Variants in ELOVL6 observed in about 807,000 individuals in gnomAD.
ELOVL6 encodes ELOVL fatty acid elongase 6, also known as very long chain fatty acid elongase 6.
Under a neutral mutation model 31.7 loss-of-function variants are expected in ELOVL6, and 8 were observed. That is an observed-to-expected ratio of 0.25 (90% CI 0.15 to 0.45). The LOEUF is 0.45. Ranked by LOEUF, ELOVL6 falls within the 20% of genes least tolerant of loss-of-function variation. The pLI, the probability that ELOVL6 is intolerant of heterozygous loss-of-function variation, is 1.00. For synonymous variants in ELOVL6, 101 were observed against 117.7 expected (o/e 0.86, Z 0.92); for missense variants, 126 against 326.4 (o/e 0.39, Z 4.73).
At chr4:110,055,400 T>G (rs1754953920) in intron 3 of ELOVL6, among the ~76,000 whole-genome samples, 1 of 152,178 alleles carries the variant, frequency 6.6e-6, no homozygotes, top group African/African-American at 2.4e-5. Context: ...CAATGGGACT[T>G]TAGACTCTCG....
intron 1 of ELOVL6, among the ~76,000 whole-genome samples, chr4:110,180,973 C>A (rs1204301042): frequency 6.6e-5 from 10 of 152,054 alleles, no homozygotes; most frequent in Non-Finnish European, 5.9e-5. Context: ...TCAGTCTCTA[C>A]AAATAATTTA....
chr4:110,169,244 T>TTG (rs1553962098), intron 1 of ELOVL6, among the ~76,000 whole-genome samples: 3 of 135,402 alleles, frequency 2.2e-5, no homozygotes, highest in Admixed American at 7.1e-5. Context: ...TTTTGTTTTG[T>TTG]TTTTTTTTTT....
At chr4:110,081,166 C>A (rs1755832639) in intron 2 of ELOVL6, among the ~76,000 whole-genome samples, 1 of 152,044 alleles carries the variant, frequency 6.6e-6, no homozygotes, top group African/African-American at 2.4e-5. Flanking sequence ...GGCCATACTG[C>A]CCAAGGTAAT....
intron 1 of ELOVL6, among the ~76,000 whole-genome samples, chr4:110,111,070 C>T (rs1005345483): frequency 1.3e-5 from 2 of 152,152 alleles, no homozygotes; most frequent in Non-Finnish European, 2.9e-5. Context: ...TACATTTAGT[C>T]CATGAGATTC....
At chr4:110,176,894 C>T (rs145847196) in intron 1 of ELOVL6, among the ~76,000 whole-genome samples, 441 of 152,324 alleles carry the variant, frequency 2.9e-3, no homozygotes, top group African/African-American at 9.9e-3. Flanking sequence ...TGCCACCATG[C>T]CCAGCTAATT....
chr4:110,108,092 TGAA>T (rs1299487151), intron 1 of ELOVL6, among the ~76,000 whole-genome samples: 15 of 152,154 alleles, frequency 9.9e-5, no homozygotes, highest in African/African-American at 3.1e-4. Flanking sequence ...TGTGAAAAGA[TGAA>T]GAAGAATTTC....
At chr4:110,130,618 T>C (rs1176792257) in intron 1 of ELOVL6, among the ~76,000 whole-genome samples, 1 of 152,204 alleles carries the variant, frequency 6.6e-6, no homozygotes, top group East Asian at 1.9e-4. Flanking sequence ...GTGAACAATT[T>C]TAGGCAAATT....
rs1754703606 is a variant in ELOVL6 at position 110,046,612 on chromosome 4, G to C, written c.*4726C>G. The C allele has an allele frequency of 6.6e-6, 1 of 152,238 alleles. No homozygotes were observed. Among genetic ancestry groups the C allele is most frequent in the Non-Finnish European group, 1.5e-5 (1 of 68,058 alleles). The allele number at this position is 152,238 out of a possible 1,614,324, so 9.4% of individuals were successfully genotyped here. On this transcript the variant is annotated 3_prime_UTR_variant, in exon 4 of 4. Coordinates refer to ENST00000302274, the MANE Select transcript of ELOVL6 (RefSeq NM_024090.3). ...GAAAGTAACTTGATTCAACAGGTTT[G>C]TGTATGTTCTTCAAAGCTCTGTGCA...
rs1756519913 is a variant in ELOVL6, at chr4:110,094,445, T to TATATATATAAA, written c.221+11051_221+11052insTTTATATATAT. 8.0e-3 allele frequency among the ~76,000 whole-genome samples: 379 copies of TATATATATAAA among 47,326 alleles called. 10 individuals are homozygous for TATATATATAAA. Among genetic ancestry groups the TATATATATAAA allele is most frequent in the South Asian group, 0.016 (18 of 1,096 alleles). The allele number at this position is 47,326 out of a possible 152,430, so 31.0% of individuals were successfully genotyped here. A position where few individuals can be genotyped will look rare whatever the true frequency, so the allele number is the denominator to read the frequency against. ...TATATATATATATATATATATATAA[T>TATATATATAAA]ATATATAACATAATATATATTACAT... is the stretch of plus-strand genomic sequence containing the variant. On this transcript the variant is annotated intron_variant, in intron 2 of 3. Coordinates refer to ENST00000302274, the MANE Select transcript of ELOVL6 (RefSeq NM_024090.3).
intron 2 of ELOVL6, among the ~76,000 whole-genome samples, chr4:110,078,970 A>T (rs1356120162): frequency 6.6e-6 from 1 of 152,220 alleles, no homozygotes; most frequent in Non-Finnish European, 1.5e-5. Flanking sequence ...CTTTAAGCCA[A>T]CAAAGATCAA....
chr4:110,071,712 G>C (rs1755489342), intron 2 of ELOVL6, among the ~76,000 whole-genome samples: 1 of 152,120 alleles, frequency 6.6e-6, no homozygotes, highest in Non-Finnish European at 1.5e-5. Flanking sequence ...AGGATGCCAG[G>C]CGTCTAAGCA....
chr4:110,100,495 T>G (rs1166258385), intron 2 of ELOVL6, among the ~76,000 whole-genome samples: 1 of 152,164 alleles, frequency 6.6e-6, no homozygotes, highest in Non-Finnish European at 1.5e-5. Context: ...TGTTTGTTTT[T>G]TTTTAAGTAT....
chr4:110,096,702 A>G (rs1186405917), intron 2 of ELOVL6, among the ~76,000 whole-genome samples: 4 of 152,172 alleles, frequency 2.6e-5, no homozygotes, highest in Non-Finnish European at 5.9e-5. Context: ...AGAAGAGTGT[A>G]TAAAGGGTAA....
intron 1 of ELOVL6, among the ~76,000 whole-genome samples, chr4:110,194,753 T>G (rs890274537): frequency 6.6e-6 from 1 of 152,210 alleles, no homozygotes; most frequent in African/African-American, 2.4e-5. Flanking sequence ...TTTAATAAAG[T>G]ATTCTTATTT....
chr4:110,175,313 G>C (rs752208832), intron 1 of ELOVL6, among the ~76,000 whole-genome samples: 2 of 151,918 alleles, frequency 1.3e-5, no homozygotes, highest in Non-Finnish European at 2.9e-5. Flanking sequence ...ACCCCAGAGG[G>C]AGAGGTTGCA....
chr4:110,070,933 G>A (rs1490946011), intron 2 of ELOVL6, among the ~76,000 whole-genome samples: 1 of 152,038 alleles, frequency 6.6e-6, no homozygotes, highest in Non-Finnish European at 1.5e-5. Context: ...ATGTAAGAAG[G>A]GACGAATAAA....
At chr4:110,111,385 A>ATTTTTTTTTTTTTTTTTTTT (rs1757031501) in intron 1 of ELOVL6, among the ~76,000 whole-genome samples, 1 of 150,480 alleles carries the variant, frequency 6.6e-6, no homozygotes, top group African/African-American at 2.5e-5. Context: ...GCTGATGAAA[A>ATTTTTTTTTTTTTTTTTTTT]TGTTGACATC....
At chr4:110,060,620 T>C (rs1393168007) in intron 2 of ELOVL6, among the ~76,000 whole-genome samples, 1 of 152,162 alleles carries the variant, frequency 6.6e-6, no homozygotes, top group African/African-American at 2.4e-5. Context: ...CAACCTGCCA[T>C]GGGAAAGCAC....
In ELOVL6 at chr4:110,155,435, A is replaced by G. The variant is rs1047200201; in HGVS notation, c.89+42812T>C. 2.0e-4 allele frequency among the ~76,000 whole-genome samples: 31 copies of G among 152,294 alleles called. 1 individual carries two copies. Among genetic ancestry groups the G allele is most frequent in the African/African-American group, 7.0e-4 (29 of 41,570 alleles). On this transcript the variant is annotated intron_variant, in intron 1 of 3. Coordinates refer to ENST00000302274, the MANE Select transcript of ELOVL6 (RefSeq NM_024090.3). ...AAATTATTATTTACAATAGTCAGAA[A>G]AAAATAATTTTTCAATCTATCAAAG...
Sources: gnomAD v4.1 joint callset for allele counts (sites outside exome capture counted in the v4.1 genomes callset) on GRCh38, gnomAD v4.1.1 for gene constraint, MANE v1.5 for transcripts, NCBI Gene and HGNC (gene_info 2026-07-23, HGNC 2026-07-21) for gene names.